ATF6: variants seen among roughly 807,000 people sequenced by gnomAD.
ATF6 encodes activating transcription factor 6.
Under a neutral mutation model 83.6 loss-of-function variants are expected in ATF6, and 53 were observed. The observed-to-expected ratio is 0.63, with a 90% confidence interval of 0.51 to 0.80. The LOEUF (loss-of-function observed/expected upper bound fraction) is 0.80. ATF6 is among the 30% of genes least tolerant of loss of function. ATF6 has a pLI of 0.00. For missense variants in ATF6, 744 were observed against 797.9 expected (o/e 0.93, Z 0.81); for synonymous variants, 288 against 285.8 (o/e 1.01, Z -0.08).
In ATF6 at chr1:161,776,721, G is replaced by A. The variant is rs1222644102; in HGVS notation, c.83-1523G>A. 1.3e-5 allele frequency among the ~76,000 whole-genome samples: 2 copies of A among 152,178 alleles called. 1 individual carries two copies. The highest frequency in any genetic ancestry group is 3.8e-4 in the East Asian group (2 of 5,196). ...GTGGGGTTGATGAGGAGCTCATTTT[G>A]GATATGTTAGGTTTGACATGCCTTT... On this transcript the variant is annotated intron_variant, in intron 1 of 15. Transcript: ENST00000367942.
At chr1:161,845,942 GAAGT>G (rs1686475550) in intron 9 of ATF6, among the ~76,000 whole-genome samples, 2 of 152,190 alleles carry the variant, frequency 1.3e-5, no homozygotes, top group Admixed American at 1.3e-4. Context: ...AATACAAATA[GAAGT>G]ATTTAAAAAA....
Position 161,819,713 on chromosome 1 carries a change from T to C in ATF6, c.990T>C (p.Tyr330=). The C allele has an allele frequency of 6.2e-7, 1 of 1,613,036 alleles. No individual in the cohort carries two copies. Among genetic ancestry groups the C allele is most frequent in the Non-Finnish European group, 8.5e-7 (1 of 1,179,612 alleles). Residue 330 remains tyrosine, a synonymous_variant, in exon 8 of 16, where the codon TAT becomes TAC. Coordinates refer to ENST00000367942, the MANE Select transcript of ATF6 (RefSeq NM_007348.4). ...ACQSRKKKKE[Y]MLGLEARLKA... Reference sequence around the variant, plus strand: ...AGTCTCGCAAGAAGAAGAAAGAATATATGCTAGGGTTAGAGGCGAGATTAA... The same window carrying C: ...AGTCTCGCAAGAAGAAGAAAGAATACATGCTAGGGTTAGAGGCGAGATTAA...
At chr1:161,921,469 A>G (rs1015158986) in intron 15 of ATF6, among the ~76,000 whole-genome samples, 2 of 152,216 alleles carry the variant, frequency 1.3e-5, no homozygotes, top group African/African-American at 4.8e-5. Flanking sequence ...GAGGTGATTC[A>G]AAGCTTGGAA....
chr1:161,921,741 T>TC (rs1688216962), intron 15 of ATF6, among the ~76,000 whole-genome samples: 1 of 152,214 alleles, frequency 6.6e-6, no homozygotes, highest in Non-Finnish European at 1.5e-5. Flanking sequence ...TCTGTGTGTC[T>TC]CTTGTAACGG....
intron 15 of ATF6, among the ~76,000 whole-genome samples, chr1:161,954,010 G>T (rs1419486660): frequency 6.6e-6 from 1 of 152,156 alleles, no homozygotes; most frequent in Non-Finnish European, 1.5e-5. Flanking sequence ...AATAGAATTG[G>T]ACTAAGTAGA....
chr1:161,854,290 G>A lies in ATF6; in HGVS notation c.1533+967G>A, dbSNP rs114776066. The stretch of plus-strand genomic sequence containing the variant: ...AGGATTGCTTTTCTCCAAGCAGGGA[G>A]TAAGGGATCCAGGTTCCTTCTATTG... On this transcript the variant is annotated intron_variant, in intron 12 of 15. Coordinates refer to ENST00000367942, the MANE Select transcript of ATF6 (RefSeq NM_007348.4). Among the ~76,000 whole-genome samples, 916 of 152,322 alleles carry A rather than the reference G, an allele frequency of 6.0e-3. 2 individuals are homozygous for A. Among genetic ancestry groups the A allele is most frequent in the Non-Finnish European group, 9.7e-3 (662 of 68,034 alleles).
intron 5 of ATF6, 141 bp downstream of exon 5, chr1:161,791,678 T>A: frequency 1.1e-6 from 1 of 897,274 alleles, no homozygotes; most frequent in Non-Finnish European, 1.6e-6. Context: ...TATTGTTTGT[T>A]GTGAGTGATT....
At chr1:161,924,094 A>G (rs761845252) in intron 15 of ATF6, among the ~76,000 whole-genome samples, 2 of 152,230 alleles carry the variant, frequency 1.3e-5, no homozygotes, top group Non-Finnish European at 2.9e-5. Context: ...GAGCCACTTC[A>G]TATAATCTCA....
At chr1:161,908,982 C>T (rs1687932380) in intron 14 of ATF6, among the ~76,000 whole-genome samples, 1 of 152,104 alleles carries the variant, frequency 6.6e-6, no homozygotes, top group Non-Finnish European at 1.5e-5. Context: ...CAGTCCTGTC[C>T]TTAATTAACC....
At chr1:161,880,017 G>A (rs933801228) in intron 14 of ATF6, among the ~76,000 whole-genome samples, 2 of 152,098 alleles carry the variant, frequency 1.3e-5, no homozygotes, top group African/African-American at 4.8e-5. Context: ...TACTTTCTGA[G>A]GAGCTGCCCT....
chr1:161,843,338 C>T (rs1009566617), intron 9 of ATF6, among the ~76,000 whole-genome samples: 2 of 152,104 alleles, frequency 1.3e-5, no homozygotes, highest in African/African-American at 2.4e-5. Context: ...CATGAACCAG[C>T]ATTGTTTGAA....
intron 15 of ATF6, among the ~76,000 whole-genome samples, chr1:161,916,380 A>G (rs756949973): frequency 2.0e-5 from 3 of 152,230 alleles, no homozygotes; most frequent in Admixed American, 6.5e-5. Context: ...TATTTGTTTT[A>G]TATCTATCTA....
In ATF6 at chr1:161,853,206, TTAAAC is replaced by T; in HGVS notation, c.1434-15_1434-11del. On this transcript the variant is annotated splice_polypyrimidine_tract_variant and intron_variant, in intron 11 of 15. Transcript: ENST00000367942. Reference sequence around the variant, plus strand: ...TTAATTAATTTCTATGTTTAATTAATTAAACTATATTTTATAGGTTAAATCATGAA... The same window carrying T: ...TTAATTAATTTCTATGTTTAATTAATTATATTTTATAGGTTAAATCATGAA... The T allele has an allele frequency of 6.8e-7, 1 of 1,463,940 alleles. No individual in the cohort carries two copies. The highest frequency in any genetic ancestry group is 9.4e-7 in the Non-Finnish European group (1 of 1,062,714). The allele number at this position is 1,463,940 out of a possible 1,614,324, so 90.7% of individuals were successfully genotyped here. A position where few individuals can be genotyped will look rare whatever the true frequency, so the allele number is the denominator to read the frequency against.
chr1:161,767,446 TTAAGA>T (rs1383148381), intron 1 of ATF6, among the ~76,000 whole-genome samples: 2 of 152,232 alleles, frequency 1.3e-5, no homozygotes, highest in Non-Finnish European at 2.9e-5. Context: ...GCTGGAAAAC[TTAAGA>T]TTTTTTATTC....
chr1:161,880,480 ATCTT>A (rs60650843), intron 14 of ATF6, among the ~76,000 whole-genome samples: 39,740 of 151,646 alleles, frequency 0.26, 8,723 homozygotes, highest in African/African-American at 0.61. Context: ...CAGTCAACTG[ATCTT>A]TCTGTTACTA....
chr1:161,946,593 T>A (rs1047485719), intron 15 of ATF6, among the ~76,000 whole-genome samples: 2 of 152,224 alleles, frequency 1.3e-5, no homozygotes, highest in Admixed American at 6.5e-5. Flanking sequence ...TCAGAGCATG[T>A]GTTGCATACA....
rs1689102408 is a variant in ATF6 at position 161,961,620 on chromosome 1, A to ATG, written c.*2966_*2967insTG. On this transcript the variant is annotated 3_prime_UTR_variant, in exon 16 of 16. Transcript: ENST00000367942. ...ATTGCCTTTTGGGGGTTGCAGCCAG[A>ATG]AATTGTGGGTAATGTGTGTATTTTT... 6.6e-6 allele frequency: 1 copy of ATG among 150,664 alleles called. No individual in the cohort carries two copies. The highest frequency in any genetic ancestry group is 1.5e-5 in the Non-Finnish European group (1 of 67,788). The allele number at this position is 150,664 out of a possible 1,614,324, so 9.3% of individuals were successfully genotyped here. A position where few individuals can be genotyped will look rare whatever the true frequency, so the allele number is the denominator to read the frequency against.
At chr1:161,868,691 G>T (rs1361806860) in intron 14 of ATF6, among the ~76,000 whole-genome samples, 2 of 151,872 alleles carry the variant, frequency 1.3e-5, no homozygotes, top group African/African-American at 4.8e-5. Context: ...AAAGAAATTG[G>T]AATCTATTTT....
chr1:161,787,220 G>T (rs1390257842), intron 4 of ATF6, among the ~76,000 whole-genome samples: 1 of 152,120 alleles, frequency 6.6e-6, no homozygotes. Flanking sequence ...TACATATTTT[G>T]TGAGAAAGAT....
Sources: allele counts gnomAD v4.1 joint callset (sites outside exome capture counted in the v4.1 genomes callset), GRCh38; gene constraint gnomAD v4.1.1; transcripts MANE v1.5; gene names NCBI Gene and HGNC (gene_info 2026-07-23, HGNC 2026-07-21).